The following IL1RAPL1 variants were observed in gnomAD, a reference collection of about 807,000 sequenced individuals.
The protein encoded by IL1RAPL1 is interleukin 1 receptor accessory protein like 1.
A neutral mutation model predicts 48.4 loss-of-function variants in IL1RAPL1; 3 were observed. The observed-to-expected ratio is 0.06, with a 90% CI of 0.03 to 0.16. IL1RAPL1 has a LOEUF of 0.16. Ranked by LOEUF, IL1RAPL1 falls within the 10% of genes least tolerant of loss-of-function variation. IL1RAPL1 has a pLI of 1.00. For missense variants in IL1RAPL1, 349 were observed against 530.6 expected, an observed-to-expected ratio of 0.66 and a Z score of 3.36; for synonymous variants, 185 against 187.7, an observed-to-expected ratio of 0.99 and a Z score of 0.12.
intron 5 of IL1RAPL1, among the ~76,000 whole-genome samples, chrX:29,613,763 T>G (rs1236818767): frequency 2.7e-5 from 2 of 74,543 alleles, no homozygotes; most frequent in South Asian, 7.1e-4. Flanking sequence ...GTGTGTTTCT[T>G]TTTTTTTTTT....
intron 1 of IL1RAPL1, among the ~76,000 whole-genome samples, chrX:28,714,363 A>G (rs753600436): frequency 4.5e-5 from 5 of 112,093 alleles, no homozygotes; most frequent in African/African-American, 1.6e-4. Flanking sequence ...CAAGAACAGA[A>G]GTAGTCTATC....
At chrX:29,022,657 A>C (rs964916647) in intron 2 of IL1RAPL1, among the ~76,000 whole-genome samples, 1 of 111,797 alleles carries the variant, frequency 8.9e-6, no homozygotes. Flanking sequence ...TCTGAAATTC[A>C]TTAAAAAATA....
chrX:29,691,328 T>C (rs1378735067), intron 6 of IL1RAPL1, among the ~76,000 whole-genome samples: 2 of 111,536 alleles, frequency 1.8e-5, no homozygotes, highest in African/African-American at 6.5e-5. Context: ...GAATTGCACT[T>C]GTCTGTTGGG....
intron 2 of IL1RAPL1, chrX:28,942,300 A>G (rs760361460): frequency 4.6e-5 from 5 of 109,529 alleles, no homozygotes; most frequent in African/African-American, 1.3e-4. Context: ...ATGCAATGTA[A>G]TAAAATATAA....
At chrX:28,755,611 T>C (rs1378735342) in intron 1 of IL1RAPL1, among the ~76,000 whole-genome samples, 5 of 112,136 alleles carry the variant, frequency 4.5e-5, no homozygotes, top group African/African-American at 1.6e-4. Context: ...CTTCTTTGTA[T>C]GAAGAGTGTG....
At chrX:28,912,522 C>G (rs1360868615) in intron 2 of IL1RAPL1, among the ~76,000 whole-genome samples, 1 of 110,676 alleles carries the variant, frequency 9.0e-6, no homozygotes, top group Non-Finnish European at 1.9e-5. Flanking sequence ...TACACATATA[C>G]AAACATCCAT....
intron 3 of IL1RAPL1, among the ~76,000 whole-genome samples, chrX:29,300,177 C>T (rs866394558): frequency 6.7e-4 from 74 of 111,278 alleles, no homozygotes; most frequent in African/African-American, 2.0e-3. Context: ...TTCTTTATAG[C>T]GACACAAAAA....
intron 6 of IL1RAPL1, among the ~76,000 whole-genome samples, chrX:29,727,363 A>G (rs1927800566): frequency 1.8e-5 from 2 of 112,138 alleles, no homozygotes; most frequent in South Asian, 3.7e-4. Context: ...ATGAAAAAAG[A>G]GGCATCTTCC....
intron 1 of IL1RAPL1, among the ~76,000 whole-genome samples, chrX:28,745,905 G>A (rs1377966675): frequency 9.0e-6 from 1 of 111,679 alleles, no homozygotes; most frequent in Non-Finnish European, 1.9e-5. Flanking sequence ...TTATAAGGAG[G>A]ACTGAACATG....
At chrX:29,845,378 T>A (rs113741067) in intron 6 of IL1RAPL1, among the ~76,000 whole-genome samples, 4,913 of 111,126 alleles carry the variant, frequency 0.044, 266 homozygotes, top group African/African-American at 0.15. Flanking sequence ...ACTATAGTGC[T>A]AACCAGGTCG....
chrX:29,623,769 A>G (rs1924536902), intron 5 of IL1RAPL1, among the ~76,000 whole-genome samples: 1 of 112,363 alleles, frequency 8.9e-6, no homozygotes. Flanking sequence ...CCGCAAGCCT[A>G]AATTCATTAG....
At chrX:29,907,803 A>C (rs1932669449) in intron 6 of IL1RAPL1, among the ~76,000 whole-genome samples, 1 of 111,487 alleles carries the variant, frequency 9.0e-6, no homozygotes, top group African/African-American at 3.3e-5. Flanking sequence ...GACTTTTATT[A>C]GCATTAGCAT....
intron 5 of IL1RAPL1, among the ~76,000 whole-genome samples, chrX:29,539,675 A>G (rs67301210): frequency 0.053 from 5,862 of 110,305 alleles, 244 homozygotes; most frequent in African/African-American, 0.13. Context: ...AAAAATGCGT[A>G]GCACCTCCCC....
intron 2 of IL1RAPL1, among the ~76,000 whole-genome samples, chrX:28,844,499 C>T (rs759260700): frequency 9.1e-6 from 1 of 109,712 alleles, no homozygotes; most frequent in Admixed American, 9.8e-5. Context: ...CAGACATGAG[C>T]GAGGCCATTG....
chrX:29,426,504 T>A (rs1934351489), intron 5 of IL1RAPL1, among the ~76,000 whole-genome samples: 1 of 111,448 alleles, frequency 9.0e-6, no homozygotes, highest in Non-Finnish European at 1.9e-5. Context: ...TGGAATCAAT[T>A]ACTCACATTT....
intron 6 of IL1RAPL1, among the ~76,000 whole-genome samples, chrX:29,800,711 G>A (rs898377625): frequency 2.8e-5 from 3 of 106,524 alleles, no homozygotes; most frequent in African/African-American, 6.8e-5. Context: ...TTGGCCAGGC[G>A]CAGTGGCTCA....
intron 5 of IL1RAPL1, among the ~76,000 whole-genome samples, chrX:29,437,496 G>A (rs1035261864): frequency 9.1e-6 from 1 of 110,267 alleles, no homozygotes; most frequent in African/African-American, 3.3e-5. Flanking sequence ...CTGATTTTAG[G>A]GGGAAAACAT....
At chrX:29,618,291 C>A (rs1924351307) in intron 5 of IL1RAPL1, among the ~76,000 whole-genome samples, 1 of 111,854 alleles carries the variant, frequency 8.9e-6, no homozygotes, top group Non-Finnish European at 1.9e-5. Flanking sequence ...AGGTAAGTGT[C>A]CTATGACACA....
At chrX:28,722,430 C>T (rs1382528127) in intron 1 of IL1RAPL1, among the ~76,000 whole-genome samples, 27 of 111,011 alleles carry the variant, frequency 2.4e-4, no homozygotes, top group African/African-American at 7.2e-4. Context: ...GTGATTTTTG[C>T]ACATTGATTT....
Sources: gnomAD v4.1 joint callset for allele counts (sites outside exome capture counted in the v4.1 genomes callset) on GRCh38, gnomAD v4.1.1 for gene constraint, MANE v1.5 for transcripts, NCBI Gene and HGNC (gene_info 2026-07-23, HGNC 2026-07-21) for gene names.